Variants in VPS41 observed in about 807,000 individuals in gnomAD.
VPS41 encodes vacuolar protein sorting-associated protein 41 homolog.
VPS41 carries 85 observed loss-of-function variants against 130.9 expected under a neutral mutation model. The ratio of observed to expected loss-of-function variants is 0.65; its 90% CI spans 0.55 to 0.78. VPS41 has a LOEUF of 0.78. Among genes scored for constraint, VPS41 ranks in the 30% least tolerant of loss-of-function variants. The probability of loss-of-function intolerance (pLI) is 0.00; values close to 1 mark genes in which losing one functional copy is unlikely to be tolerated. For missense variants in VPS41, 874 were observed against 1,018.7 expected, an observed-to-expected ratio of 0.86 and a Z score of 1.93; for synonymous variants, 335 against 332.9, an observed-to-expected ratio of 1.01 and a Z score of -0.07.
rs1009984925 is a variant in VPS41, at chr7:38,725,628, G to A, written c.*618C>T. 5 of 152,230 alleles carry A rather than the reference G, an allele frequency of 3.3e-5. No homozygotes were observed. The highest frequency in any genetic ancestry group is 1.9e-4 in the East Asian group (1 of 5,198). 9.4% of individuals were successfully genotyped at this position (152,230 alleles called of 1,614,324 possible). A position where few individuals can be genotyped will look rare whatever the true frequency, so the allele number is the denominator to read the frequency against. On this transcript the variant is annotated 3_prime_UTR_variant, in exon 29 of 29. Transcript: ENST00000310301. ...CATGGCCAGATACTCTTTGACAGTCGTCACAGCACACAGAACATGTGATTA... is the reference window on the plus strand; with the variant it reads ...CATGGCCAGATACTCTTTGACAGTCATCACAGCACACAGAACATGTGATTA...
chr7:38,820,251 AT>A (rs1562598282), intron 6 of VPS41, among the ~76,000 whole-genome samples: 1 of 152,184 alleles, frequency 6.6e-6, no homozygotes, highest in Non-Finnish European at 1.5e-5. Context: ...TGCCTAGAGT[AT>A]TATATTAGGC....
intron 7 of VPS41, among the ~76,000 whole-genome samples, chr7:38,802,663 TACAA>T (rs773331145): frequency 6.6e-5 from 10 of 152,196 alleles, no homozygotes; most frequent in Non-Finnish European, 8.8e-5. Context: ...CTCCTTTTCT[TACAA>T]ACATTCTATA....
At position 38,724,343 on chromosome 7, in the gene VPS41, T is replaced by C. The variant is rs1795494596; in HGVS notation, c.*1903A>G. ...AAACTGAATCTGTAAATTGGTAATG[T>C]TGAAAAGAAAAAACAATTGGGTAAG... On this transcript the variant is annotated 3_prime_UTR_variant, in exon 29 of 29. Transcript: ENST00000310301. The C allele has an allele frequency of 6.6e-6, 1 of 152,206 alleles. No homozygotes were observed. 9.4% of individuals were successfully genotyped at this position (152,206 alleles called of 1,614,324 possible).
intron 4 of VPS41, among the ~76,000 whole-genome samples, chr7:38,849,304 G>C (rs1219118883): frequency 6.6e-6 from 1 of 152,032 alleles, no homozygotes; most frequent in Non-Finnish European, 1.5e-5. Context: ...CCCCAGTGGG[G>C]GTGTGTTACA....
At chr7:38,765,515 G>C in intron 16 of VPS41, 65 bp downstream of exon 16, 1 of 1,094,492 alleles carries the variant, frequency 9.1e-7, no homozygotes, top group Non-Finnish European at 1.3e-6. Flanking sequence ...TATTATCTTT[G>C]TTTCCACTGC....
intron 2 of VPS41, among the ~76,000 whole-genome samples, chr7:38,886,497 T>C (rs1004404809): frequency 2.0e-5 from 3 of 152,138 alleles, no homozygotes; most frequent in Non-Finnish European, 4.4e-5. Context: ...ATGCTCACAG[T>C]GTAAACAAAG....
chr7:38,846,689 G>T (rs1249192693), intron 4 of VPS41, among the ~76,000 whole-genome samples: 2 of 152,156 alleles, frequency 1.3e-5, no homozygotes, highest in South Asian at 2.1e-4. Flanking sequence ...GGGATTAGGG[G>T]AGACACAAGG....
At chr7:38,823,870 A>G (rs896366176) in intron 5 of VPS41, among the ~76,000 whole-genome samples, 2 of 152,244 alleles carry the variant, frequency 1.3e-5, no homozygotes, top group Non-Finnish European at 2.9e-5. Context: ...CAGAGGGTAT[A>G]AAGTCATTAC....
chr7:38,896,591 T>C (rs1459158752), intron 2 of VPS41, among the ~76,000 whole-genome samples: 1 of 152,248 alleles, frequency 6.6e-6, no homozygotes, highest in Non-Finnish European at 1.5e-5. Context: ...GTGTATTTTA[T>C]GTGTGGCCCA....
At position 38,786,089 on chromosome 7, in the gene VPS41, T is replaced by C. The variant is rs575981205; in HGVS notation, c.784+3712A>G. Among the ~76,000 whole-genome samples, 65 of 152,362 alleles carry C rather than the reference T, an allele frequency of 4.3e-4. 2 individuals carry two copies. The South Asian group carries it at 0.013, about 31-fold the overall frequency. On this transcript the variant is annotated intron_variant, in intron 10 of 28. Coordinates refer to ENST00000310301, the MANE Select transcript of VPS41 (RefSeq NM_014396.4). ...ATTTCTGCAGTGGTCTGTATCTGAATGTCTGGAACAAGACTCTGTAAACAA... is the reference window on the plus strand; with the variant it reads ...ATTTCTGCAGTGGTCTGTATCTGAACGTCTGGAACAAGACTCTGTAAACAA...
intron 8 of VPS41, chr7:38,796,533 T>G (rs1486604856): frequency 1.4e-6 from 1 of 711,072 alleles, no homozygotes; most frequent in Non-Finnish European, 2.5e-6. Context: ...TACTCTAAAA[T>G]AGATTCCAGA....
At chr7:38,754,359 C>G (rs1322183888) in intron 21 of VPS41, among the ~76,000 whole-genome samples, 1 of 152,046 alleles carries the variant, frequency 6.6e-6, no homozygotes, top group Non-Finnish European at 1.5e-5. Context: ...GTGCTTATTC[C>G]TAGACACAAC....
At chr7:38,754,978 T>C (rs764583160) in intron 19 of VPS41, 42 bp from the exon 20 acceptor site, 43 of 1,594,322 alleles carry the variant, frequency 2.7e-5, no homozygotes, top group Non-Finnish European at 3.4e-5. Context: ...AAATCCGTTA[T>C]TTAAGAAGAG....
chr7:38,758,682 T>G (rs1584379005), intron 17 of VPS41, among the ~76,000 whole-genome samples: 1 of 152,056 alleles, frequency 6.6e-6, no homozygotes, highest in Admixed American at 6.6e-5. Context: ...AAGGATGGGG[T>G]TGGGCACAGG....
intron 2 of VPS41, among the ~76,000 whole-genome samples, chr7:38,883,671 A>ACCAG (rs142488960): frequency 5.4e-5 from 1 of 18,648 alleles, no homozygotes; most frequent in Non-Finnish European, 8.2e-5. Flanking sequence ...AAAATGATCA[A>ACCAG]CCAATCTTGG....
intron 4 of VPS41, among the ~76,000 whole-genome samples, chr7:38,841,026 C>CT (rs1462427649): frequency 6.6e-6 from 1 of 152,190 alleles, no homozygotes; most frequent in Non-Finnish European, 1.5e-5. Flanking sequence ...TTCCTTCCCC[C>CT]TTTTGTTCTC....
chr7:38,758,753 C>A (rs1357912811), intron 17 of VPS41, among the ~76,000 whole-genome samples: 3 of 152,196 alleles, frequency 2.0e-5, no homozygotes, highest in African/African-American at 7.2e-5. Context: ...CCCTGCCCCA[C>A]AACCTCCAAG....
chr7:38,814,604 C>T (rs778440447), intron 7 of VPS41, among the ~76,000 whole-genome samples: 4 of 152,032 alleles, frequency 2.6e-5, no homozygotes, highest in East Asian at 1.9e-4. Context: ...GAGCCGAGAT[C>T]GCGCCACTGC....
At chr7:38,858,102 G>A (rs1390296419) in intron 4 of VPS41, among the ~76,000 whole-genome samples, 4 of 152,166 alleles carry the variant, frequency 2.6e-5, no homozygotes, top group African/African-American at 4.8e-5. Flanking sequence ...TACGGCAAAC[G>A]TTTCCTATTC....
Sources: gnomAD v4.1 joint callset for allele counts (sites outside exome capture counted in the v4.1 genomes callset) on GRCh38, gnomAD v4.1.1 for gene constraint, MANE v1.5 for transcripts, NCBI Gene and HGNC (gene_info 2026-07-23, HGNC 2026-07-21) for gene names.